The following KLHL28 variants were observed in gnomAD, a reference collection of about 807,000 sequenced individuals.
The protein encoded by KLHL28 is kelch-like protein 28.
Under a neutral mutation model 48.3 loss-of-function variants are expected in KLHL28, and 22 were observed. The ratio of observed to expected loss-of-function variants is 0.46; its 90% CI spans 0.33 to 0.65. The LOEUF is 0.65. KLHL28 is among the 30% of genes least tolerant of loss of function. The probability of loss-of-function intolerance (pLI) is 0.03; values close to 1 mark genes in which losing one functional copy is unlikely to be tolerated. For synonymous variants in KLHL28, 243 were observed against 242.4 expected (o/e 1.00, Z -0.02); for missense variants, 527 against 704.3 (o/e 0.75, Z 2.85).
chr14:44,957,772 CTCTG>C (rs898449352), intron 1 of KLHL28, among the ~76,000 whole-genome samples: 10 of 152,246 alleles, frequency 6.6e-5, no homozygotes, highest in Non-Finnish European at 1.3e-4. Context: ...AACCTTGGCA[CTCTG>C]TCTATGTAAT....
chr14:44,941,129 C>T (rs1443887461), intron 2 of KLHL28, among the ~76,000 whole-genome samples: 2 of 150,132 alleles, frequency 1.3e-5, no homozygotes, highest in Non-Finnish European at 3.0e-5. Context: ...TCCAAATAAA[C>T]AAAAAAAAAC....
At position 44,926,657 on chromosome 14, in the gene KLHL28, C is replaced by G. The variant is rs993858688; in HGVS notation, c.*2371G>C. ...AAGTAGCTGGGATTACAGGTACCTGCCACAATGCCCAGCTAATTTTTTGTA... is the reference window on the plus strand; with the variant it reads ...AAGTAGCTGGGATTACAGGTACCTGGCACAATGCCCAGCTAATTTTTTGTA... On this transcript the variant is annotated 3_prime_UTR_variant, in exon 5 of 5. Transcript: ENST00000396128. 6.6e-6 allele frequency: 1 copy of G among 152,192 alleles called. No individual in the cohort carries two copies. The highest frequency in any genetic ancestry group is 6.5e-5 in the Admixed American group (1 of 15,276). The allele number at this position is 152,192 out of a possible 1,614,324, so 9.4% of individuals were successfully genotyped here. A position where few individuals can be genotyped will look rare whatever the true frequency, so the allele number is the denominator to read the frequency against.
At chr14:44,948,356 C>T (rs1466682780) in intron 1 of KLHL28, among the ~76,000 whole-genome samples, 2 of 151,818 alleles carry the variant, frequency 1.3e-5, no homozygotes, top group African/African-American at 2.4e-5. Flanking sequence ...AGCAGTGAGG[C>T]GATAGAGATA....
chr14:44,943,122 T>C (rs1409567555), intron 2 of KLHL28, among the ~76,000 whole-genome samples: 1 of 152,230 alleles, frequency 6.6e-6, no homozygotes, highest in Non-Finnish European at 1.5e-5. Context: ...ACAGGTCTTA[T>C]TATTCTTCAA....
intron 2 of KLHL28, among the ~76,000 whole-genome samples, chr14:44,940,523 T>A (rs1884025201): frequency 6.6e-6 from 1 of 152,198 alleles, no homozygotes; most frequent in African/African-American, 2.4e-5. Flanking sequence ...ACAATACAGT[T>A]CTCAGAGCTT....
intron 4 of KLHL28, 137 bp from the exon 5 acceptor site, chr14:44,929,328 A>G (rs1883488531): frequency 1.3e-6 from 1 of 765,756 alleles, no homozygotes; most frequent in East Asian, 2.9e-5. Flanking sequence ...CAGGCAATAT[A>G]CAGTAGTCCT....
intron 1 of KLHL28, among the ~76,000 whole-genome samples, chr14:44,947,201 A>C (rs1217718399): frequency 2.0e-5 from 3 of 152,230 alleles, no homozygotes; most frequent in Non-Finnish European, 4.4e-5. Context: ...CAGACAGAAG[A>C]GGAGGTCATG....
chr14:44,952,427 G>T (rs1347688728), intron 1 of KLHL28, among the ~76,000 whole-genome samples: 1 of 152,048 alleles, frequency 6.6e-6, no homozygotes, highest in African/African-American at 2.4e-5. Flanking sequence ...AAGTCCTCCA[G>T]GTTATTCTTA....
intron 1 of KLHL28, among the ~76,000 whole-genome samples, chr14:44,948,444 T>C (rs1884433610): frequency 6.6e-6 from 1 of 152,156 alleles, no homozygotes; most frequent in African/African-American, 2.4e-5. Context: ...TAAATTATAT[T>C]ATTAGGTGGA....
At chr14:44,934,582 TA>T in intron 2 of KLHL28, 24 bp from the exon 3 acceptor site, 1 of 1,507,764 alleles carries the variant, frequency 6.6e-7, no homozygotes, top group Middle Eastern at 1.8e-4. Context: ...AGAAAAAATA[TA>T]AAATTTAAAA....
In KLHL28 at chr14:44,934,400, T is replaced by C; in HGVS notation, c.1058A>G (p.Glu353Gly). Residue 353 changes from glutamate (E) to glycine (G), a missense_variant, in exon 3 of 5, where the codon GAA becomes GGA. Physicochemically the swap from Glu to Gly is moderately conservative, Grantham distance 98. Transcript: ENST00000396128. ...VRPGVTIRKH[E>G]NSVECWNPDT... ...AGGATTCCAGCATTCCACTGAATTTTCATGTTTTCTGATAGTGACGCCAGG... is the reference window on the plus strand; with the variant it reads ...AGGATTCCAGCATTCCACTGAATTTCCATGTTTTCTGATAGTGACGCCAGG... The C allele has an allele frequency of 1.2e-6, 2 of 1,614,180 alleles. No individual in the cohort carries two copies. The highest frequency in any genetic ancestry group is 3.3e-5 in the Admixed American group (2 of 60,034).
intron 1 of KLHL28, chr14:44,960,963 C>T (rs1274896678): frequency 1.5e-6 from 2 of 1,363,070 alleles, no homozygotes; most frequent in Non-Finnish European, 2.0e-6. Flanking sequence ...TTAGACTTTT[C>T]GCACGAGTCA....
Position 44,945,472 on chromosome 14 carries a change from A to G in KLHL28, c.457T>C (p.Tyr153His). 2 of 1,614,234 alleles carry G rather than the reference A, an allele frequency of 1.2e-6. No homozygotes were observed. The highest frequency in any genetic ancestry group is 1.3e-5 in the African/African-American group (1 of 75,064). ...CATATGTATTTAGTGGCTGCCAAAT[A>G]AAGGTCACGGCAACCATATGTTTCT... is the stretch of plus-strand genomic sequence containing the variant. The part of the protein sequence containing the change: ...FAETYGCRDL[Y>H]LAATKYICQN... Residue 153 changes from tyrosine (Y) to histidine (H), a missense_variant, in exon 2 of 5, where the codon TAT (tyrosine) becomes CAT (histidine). Tyr to His is a moderately conservative substitution (Grantham distance 83, BLOSUM62 2). Transcript: ENST00000396128.
intron 2 of KLHL28, among the ~76,000 whole-genome samples, 153 bp from the exon 3 acceptor site, chr14:44,934,711 A>G (rs1055497711): frequency 1.3e-5 from 2 of 152,236 alleles, no homozygotes; most frequent in Non-Finnish European, 2.9e-5. Context: ...ATAAAGTCAG[A>G]TAATAATTGT....
At chr14:44,941,694 T>C (rs1206504895) in intron 2 of KLHL28, among the ~76,000 whole-genome samples, 2 of 151,480 alleles carry the variant, frequency 1.3e-5, no homozygotes, top group African/African-American at 4.9e-5. Flanking sequence ...TTCTCCATAA[T>C]GCCAAGTTTA....
intron 1 of KLHL28, 21 bp from the exon 2 acceptor site, chr14:44,945,949 A>C: frequency 6.3e-7 from 1 of 1,589,094 alleles, no homozygotes; most frequent in East Asian, 2.2e-5. Flanking sequence ...ATAAAAAAGC[A>C]TAGACAGTTA....
intron 1 of KLHL28, among the ~76,000 whole-genome samples, chr14:44,946,798 C>T (rs1884355206): frequency 6.6e-6 from 1 of 152,148 alleles, no homozygotes; most frequent in Non-Finnish European, 1.5e-5. Context: ...TCAAGTGATC[C>T]ACCTGCTTCG....
chr14:44,938,856 T>A (rs1184187882), intron 2 of KLHL28, among the ~76,000 whole-genome samples: 1 of 152,120 alleles, frequency 6.6e-6, no homozygotes, highest in African/African-American at 2.4e-5. Flanking sequence ...CAGGCTGACG[T>A]TGCACACTAC....
chr14:44,951,938 A>G (rs904416678), intron 1 of KLHL28, among the ~76,000 whole-genome samples: 4 of 152,062 alleles, frequency 2.6e-5, no homozygotes, highest in Non-Finnish European at 5.9e-5. Context: ...TACTCACTGC[A>G]GCCTTGACCT....
Sources: allele counts gnomAD v4.1 joint callset (sites outside exome capture counted in the v4.1 genomes callset), GRCh38; gene constraint gnomAD v4.1.1; transcripts MANE v1.5; gene names NCBI Gene and HGNC (gene_info 2026-07-23, HGNC 2026-07-21).